NEK6: variants seen among roughly 807,000 people sequenced by gnomAD.
NEK6 encodes serine/threonine-protein kinase Nek6.
Under a neutral mutation model 43.5 loss-of-function variants are expected in NEK6, and 27 were observed. That is an observed-to-expected ratio of 0.62 (90% CI 0.46 to 0.86). The LOEUF is 0.86. Among genes scored for constraint, NEK6 ranks in the 40% least tolerant of loss-of-function variants. The pLI is 0.00. For synonymous variants in NEK6, 167 were observed against 164.1 expected (o/e 1.02, Z -0.14); for missense variants, 318 against 414.4 (o/e 0.77, Z 2.02).
chr9:124,320,646 G>C (rs1016006802), intron 4 of NEK6, among the ~76,000 whole-genome samples: 1 of 152,238 alleles, frequency 6.6e-6, no homozygotes, highest in African/African-American at 2.4e-5. Flanking sequence ...TCTTAGCCTG[G>C]AGGGCCTGAC....
At chr9:124,266,684 A>G (rs887277254) in intron 1 of NEK6, among the ~76,000 whole-genome samples, 2 of 152,260 alleles carry the variant, frequency 1.3e-5, no homozygotes, top group Non-Finnish European at 2.9e-5. Flanking sequence ...CATGGCCAGC[A>G]TTGTGCCTGA....
chr9:124,337,286 G>A (rs762298957), intron 7 of NEK6, among the ~76,000 whole-genome samples: 3 of 152,226 alleles, frequency 2.0e-5, no homozygotes, highest in African/African-American at 4.8e-5. Flanking sequence ...TTTCCTCAGT[G>A]TTGGCGTTTC....
chr9:124,257,922 G>A, upstream of NEK6: 2 of 968,944 alleles, frequency 2.1e-6, no homozygotes, highest in South Asian at 9.5e-5. Context: ...GGGAGGGGCG[G>A]GCGCGCGGGC....
At chr9:124,342,689 A>C (rs1002013665) in intron 8 of NEK6, among the ~76,000 whole-genome samples, 1 of 152,232 alleles carries the variant, frequency 6.6e-6, no homozygotes, top group Admixed American at 6.5e-5. Flanking sequence ...GTCTCCGAGG[A>C]GGCTCCACTT....
At chr9:124,277,242 C>T (rs990813531) in intron 1 of NEK6, among the ~76,000 whole-genome samples, 22 of 152,226 alleles carry the variant, frequency 1.4e-4, no homozygotes, top group African/African-American at 4.8e-4. Context: ...GCCAGGAGCT[C>T]GAAACCAGCC....
At chr9:124,322,771 A>G (rs1233586780) in intron 5 of NEK6, among the ~76,000 whole-genome samples, 1 of 152,218 alleles carries the variant, frequency 6.6e-6, no homozygotes, top group East Asian at 1.9e-4. Context: ...ACGGGGCCGG[A>G]TGTGGGTTCT....
chr9:124,297,012 C>T lies in NEK6; in HGVS notation c.-29-4924C>T, dbSNP rs574692008. ...CATTAGTGAGAGCCTCATCCATGGC[C>T]GGGCAGGGTGCGGCACAGCAGCTGG... On this transcript the variant is annotated intron_variant, in intron 1 of 9. Coordinates refer to ENST00000320246, the MANE Select transcript of NEK6 (RefSeq NM_014397.6). 4.2e-4 allele frequency among the ~76,000 whole-genome samples: 64 copies of T among 152,352 alleles called. 1 individual carries two copies. The Middle Eastern group carries it at 0.014, about 32-fold the overall frequency.
intron 1 of NEK6, among the ~76,000 whole-genome samples, chr9:124,301,299 C>G (rs1832959636): frequency 6.6e-6 from 1 of 152,170 alleles, no homozygotes; most frequent in Admixed American, 6.5e-5. Flanking sequence ...CTACCTATGA[C>G]CAGCATCTCT....
Position 124,327,378 on chromosome 9 carries a change from C to T in NEK6, c.555C>T (p.Val185=), listed in dbSNP as rs1290681997. The part of the protein sequence containing the change: ...PANVFITATG[V]VKLGDLGLGR... ...ACGTGTTCATCACAGCCACGGGCGT[C>T]GTGAAGCTCGGTGACCTTGGTCTGG... is the stretch of plus-strand genomic sequence containing the variant. The change falls in exon 7 of 10, where the codon GTC becomes GTT. Residue 185 remains valine (V), a synonymous_variant. Transcript: ENST00000320246. The T allele has an allele frequency of 3.1e-6, 5 of 1,613,806 alleles. No homozygotes were observed. The highest frequency in any genetic ancestry group is 2.2e-5 in the East Asian group (1 of 44,896).
chr9:124,304,104 C>A (rs192310062), intron 2 of NEK6, among the ~76,000 whole-genome samples: 12 of 152,386 alleles, frequency 7.9e-5, no homozygotes, highest in African/African-American at 2.4e-4. Flanking sequence ...CCCAGTCCCA[C>A]CAGCATCTGG....
chr9:124,332,004 G>A (rs951738399), intron 7 of NEK6, among the ~76,000 whole-genome samples: 4 of 152,294 alleles, frequency 2.6e-5, no homozygotes, highest in Admixed American at 6.5e-5. Flanking sequence ...CTAACCCCTC[G>A]GTGGCAGTCA....
At chr9:124,309,737 T>C (rs1306351865) in intron 2 of NEK6, among the ~76,000 whole-genome samples, 1 of 152,224 alleles carries the variant, frequency 6.6e-6, no homozygotes, top group Non-Finnish European at 1.5e-5. Context: ...GCGATTCTTC[T>C]AAGTGCTCAG....
intron 2 of NEK6, among the ~76,000 whole-genome samples, chr9:124,308,219 A>G (rs1478545607): frequency 1.3e-5 from 2 of 152,184 alleles, no homozygotes; most frequent in Non-Finnish European, 2.9e-5. Context: ...TCCAGGCCCC[A>G]GCATTGGAGT....
At chr9:124,306,487 G>A (rs1348052611) in intron 2 of NEK6, among the ~76,000 whole-genome samples, 1 of 152,158 alleles carries the variant, frequency 6.6e-6, no homozygotes, top group African/African-American at 2.4e-5. Flanking sequence ...TAATGGTGGT[G>A]TTTGTACCAA....
intron 8 of NEK6, among the ~76,000 whole-genome samples, chr9:124,340,384 G>A (rs1829536825): frequency 6.6e-6 from 1 of 152,214 alleles, no homozygotes; most frequent in African/African-American, 2.4e-5. Flanking sequence ...GCAGGAGGGA[G>A]GCCTAAGTTC....
chr9:124,264,695 A>C (rs1402613715), intron 1 of NEK6, among the ~76,000 whole-genome samples: 1 of 151,716 alleles, frequency 6.6e-6, no homozygotes, highest in East Asian at 1.9e-4. Context: ...AATCCCAGCT[A>C]CTCGGGAGCC....
Position 124,326,214 on chromosome 9 carries a change from G to A in NEK6, c.406-116G>A, listed in dbSNP as rs879232415. On this transcript the variant is annotated intron_variant, in intron 5 of 9. Transcript: ENST00000320246. This position sits in a 1 kb window ranked among gnomAD's most constrained non-coding sequence, Gnocchi z 4.5. ...CTCAGTGGCTCAATCCCCCCCCCCC[G>A]CCCCTGCCAGGCACCAGTTACCCAC... 111 of 72,940 alleles carry A rather than the reference G, an allele frequency of 1.5e-3. 3 individuals carry two copies. The highest frequency in any genetic ancestry group is 9.7e-3 in the African/African-American group (102 of 10,514). The allele number at this position is 72,940 out of a possible 1,614,324, so 4.5% of individuals were successfully genotyped here.
intron 1 of NEK6, among the ~76,000 whole-genome samples, chr9:124,270,924 C>T (rs539206177): frequency 1.4e-4 from 21 of 152,372 alleles, no homozygotes; most frequent in Admixed American, 1.3e-3. Flanking sequence ...GGCCAGGTCA[C>T]CTGGACATGA....
At chr9:124,342,318 G>T (rs1829673862) in intron 8 of NEK6, among the ~76,000 whole-genome samples, 1 of 152,332 alleles carries the variant, frequency 6.6e-6, no homozygotes, top group East Asian at 1.9e-4. Context: ...GTGGATGGTC[G>T]GGGAGCACAA....
Sources: gnomAD v4.1 joint callset for allele counts (sites outside exome capture counted in the v4.1 genomes callset) on GRCh38, gnomAD v4.1.1 for gene constraint, Gnocchi (gnomAD v3.1) non-coding constraint, MANE v1.5 for transcripts, NCBI Gene and HGNC (gene_info 2026-07-23, HGNC 2026-07-21) for gene names.